Variants in EXT2 observed in about 807,000 individuals in gnomAD.
EXT2 encodes the protein exostosin glycosyltransferase 2.
In EXT2, 53 loss-of-function variants were observed where a neutral mutation model predicts 81.6. That is an observed-to-expected ratio of 0.65 (90% confidence interval 0.52 to 0.82). EXT2 has a LOEUF of 0.82. EXT2 is among the 40% of genes least tolerant of loss of function. The pLI is 0.00. For synonymous variants in EXT2, 320 were observed against 340.0 expected, an observed-to-expected ratio of 0.94 and a Z score of 0.65; for missense variants, 774 against 910.2, an observed-to-expected ratio of 0.85 and a Z score of 1.93.
chr11:44,249,866 C>T lies in EXT2; in HGVS notation c.*5579C>T, dbSNP rs907301026. Among the ~76,000 whole-genome samples, 4 of 152,134 alleles carry T rather than the reference C, an allele frequency of 2.6e-5. No homozygotes were observed. Among genetic ancestry groups the T allele is most frequent in the African/African-American group, 9.7e-5 (4 of 41,416 alleles). ...CGGGCAGATCATGAGGTCACGAGATCGAGACCCTCCTGGCTAACACGGTGA... is the reference window on the plus strand; with the variant it reads ...CGGGCAGATCATGAGGTCACGAGATTGAGACCCTCCTGGCTAACACGGTGA... On this transcript the variant is annotated 3_prime_UTR_variant, in exon 14 of 14. Transcript: ENST00000533608.
At chr11:44,186,860 A>C (rs1590631267) in intron 8 of EXT2, among the ~76,000 whole-genome samples, 1 of 152,194 alleles carries the variant, frequency 6.6e-6, no homozygotes. Context: ...ACAATTAGCA[A>C]CTGATTATTT....
In EXT2 at chr11:44,240,552, T is replaced by C. The variant is rs1340505970; in HGVS notation, c.2019-3597T>C. Among the ~76,000 whole-genome samples the C allele has an allele frequency of 3.3e-5, 5 of 152,094 alleles. No homozygotes were observed. The East Asian group carries it at 7.7e-4, about 23-fold the overall frequency. ...CCACTGCACTCCTGCCTGGGCAACA[T>C]AGCAAAATCCCTATCTGTAAAAAAA... On this transcript the variant is annotated intron_variant, in intron 13 of 13. Coordinates refer to ENST00000533608, the MANE Select transcript of EXT2 (RefSeq NM_207122.2).
intron 1 of EXT2, among the ~76,000 whole-genome samples, chr11:44,096,668 A>T (rs907434431): frequency 6.6e-6 from 1 of 152,242 alleles, no homozygotes; most frequent in African/African-American, 2.4e-5. Context: ...CTGGGCTTCA[A>T]CTTGAAGTCC....
At chr11:44,232,636 C>A in intron 11 of EXT2, 140 bp downstream of exon 11, 2 of 1,107,932 alleles carry the variant, frequency 1.8e-6, no homozygotes, top group Non-Finnish European at 2.5e-6. Flanking sequence ...ATAAAGCTAT[C>A]CTTTTTCTAA....
intron 3 of EXT2, among the ~76,000 whole-genome samples, chr11:44,111,439 A>G (rs1054772177): frequency 6.6e-6 from 1 of 152,236 alleles, no homozygotes; most frequent in African/African-American, 2.4e-5. Flanking sequence ...TTTAGACACA[A>G]GCACACATAC....
rs190599028 is a variant in EXT2 at position 44,129,531 on chromosome 11, T to G, written c.1080-514T>G. On this transcript the variant is annotated intron_variant, in intron 6 of 13. Transcript: ENST00000533608. The stretch of plus-strand genomic sequence containing the variant: ...GAATGCTGTTTCCCAGGCATTCTTC[T>G]GGCCTGCTTACTCTCTTGCCTTCCT... Among the ~76,000 whole-genome samples the G allele has an allele frequency of 3.9e-5, 6 of 152,378 alleles. No homozygotes were observed. In the East Asian group the frequency reaches 1.2e-3, roughly 29 times the overall value.
rs1564993604 is a variant in EXT2, at chr11:44,249,109, A to G, written c.*4822A>G. Among the ~76,000 whole-genome samples, 1 of 151,882 alleles carries G rather than the reference A, an allele frequency of 6.6e-6. No individual in the cohort carries two copies. Among genetic ancestry groups the G allele is most frequent in the Non-Finnish European group, 1.5e-5 (1 of 67,984 alleles). ...ACTCCTGGACTCAAGCAGTCTTCCC[A>G]TCTCAGCCTTCCAAGTAGCTGAGAC... On this transcript the variant is annotated 3_prime_UTR_variant, in exon 14 of 14. Transcript: ENST00000533608.
chr11:44,143,993 G>T (rs924530193), intron 7 of EXT2, among the ~76,000 whole-genome samples: 1 of 152,176 alleles, frequency 6.6e-6, no homozygotes, highest in Non-Finnish European at 1.5e-5. Context: ...CTCCCTTCAT[G>T]TGTTGTGTTT....
At chr11:44,140,342 C>T (rs766605181) in intron 7 of EXT2, among the ~76,000 whole-genome samples, 2 of 152,224 alleles carry the variant, frequency 1.3e-5, no homozygotes, top group Non-Finnish European at 2.9e-5. Context: ...TTAGAACAGA[C>T]TGTTAACCCT....
chr11:44,243,054 G>A (rs148029225), intron 13 of EXT2, among the ~76,000 whole-genome samples: 1 of 152,164 alleles, frequency 6.6e-6, no homozygotes, highest in Non-Finnish European at 1.5e-5. Context: ...GATGTTATGA[G>A]TTAAAAGCTC....
intron 5 of EXT2, among the ~76,000 whole-genome samples, chr11:44,125,536 G>A (rs991033818): frequency 9.9e-5 from 15 of 152,094 alleles, no homozygotes; most frequent in African/African-American, 1.7e-4. Flanking sequence ...TAGGGAAAGC[G>A]GTCTCTTTGG....
At chr11:44,148,490 C>T (rs1954750422) in intron 7 of EXT2, among the ~76,000 whole-genome samples, 1 of 152,156 alleles carries the variant, frequency 6.6e-6, no homozygotes, top group African/African-American at 2.4e-5. Flanking sequence ...CCAGCACATG[C>T]TCCAGTGTTA....
chr11:44,147,015 G>A (rs983661736), intron 7 of EXT2, among the ~76,000 whole-genome samples: 13 of 152,300 alleles, frequency 8.5e-5, no homozygotes, highest in African/African-American at 2.6e-4. Context: ...AGAGGAAACA[G>A]ATTTATGAAA....
intron 7 of EXT2, among the ~76,000 whole-genome samples, chr11:44,165,089 G>C (rs367980778): frequency 6.6e-6 from 1 of 151,802 alleles, no homozygotes; most frequent in South Asian, 2.1e-4. Flanking sequence ...CGTTTTAGCC[G>C]GGATGGTCTC....
At position 44,200,820 on chromosome 11, in the gene EXT2, C is replaced by T. The variant is rs1955513508; in HGVS notation, c.1495+2802C>T. Among the ~76,000 whole-genome samples the T allele has an allele frequency of 2.0e-5, 3 of 152,184 alleles. No homozygotes were observed. In the South Asian group the frequency reaches 6.2e-4, roughly 32 times the overall value. ...GGCAGGATGGACTTGGGGTCATCTT[C>T]AGTCAACCTGACCATTTTTGTAGTA... On this transcript the variant is annotated intron_variant, in intron 9 of 13. Coordinates refer to ENST00000533608, the MANE Select transcript of EXT2 (RefSeq NM_207122.2).
chr11:44,122,958 AG>A (rs1954340230), intron 4 of EXT2, among the ~76,000 whole-genome samples: 1 of 152,168 alleles, frequency 6.6e-6, no homozygotes, highest in African/African-American at 2.4e-5. Flanking sequence ...AGTTCTAGGG[AG>A]TCTGCTGGTT....
chr11:44,217,765 T>G (rs773239503), intron 10 of EXT2, among the ~76,000 whole-genome samples: 4 of 152,166 alleles, frequency 2.6e-5, no homozygotes, highest in African/African-American at 9.7e-5. Flanking sequence ...CCTCCCCTCC[T>G]CCATCTTTGA....
At chr11:44,178,116 G>T (rs1371852437) in intron 8 of EXT2, among the ~76,000 whole-genome samples, 1 of 152,202 alleles carries the variant, frequency 6.6e-6, no homozygotes, top group Non-Finnish European at 1.5e-5. Flanking sequence ...AATCACCCAG[G>T]GGGATCAGAA....
chr11:44,143,662 C>T (rs985261713), intron 7 of EXT2, among the ~76,000 whole-genome samples: 1 of 152,216 alleles, frequency 6.6e-6, no homozygotes, highest in Non-Finnish European at 1.5e-5. Context: ...GAAGATGGGG[C>T]TTTCTACCAG....
Sources: gnomAD v4.1 joint callset for allele counts (sites outside exome capture counted in the v4.1 genomes callset) on GRCh38, gnomAD v4.1.1 for gene constraint, MANE v1.5 for transcripts, NCBI Gene and HGNC (gene_info 2026-07-23, HGNC 2026-07-21) for gene names.